LRRC37A2: variants seen among roughly 807,000 people sequenced by gnomAD.
The protein encoded by LRRC37A2 is leucine-rich repeat-containing protein 37A2.
Under a neutral mutation model 68.8 loss-of-function variants are expected in LRRC37A2, and 9 were observed. The observed-to-expected ratio is 0.13, with a 90% CI of 0.08 to 0.23. The LOEUF (loss-of-function observed/expected upper bound fraction) is 0.23, where lower values mean the gene tolerates loss of function less well. Among genes scored for constraint, LRRC37A2 ranks in the 10% least tolerant of loss-of-function variants. LRRC37A2 has a pLI of 1.00. For missense variants in LRRC37A2, 168 were observed against 950.4 expected (o/e 0.18, Z 10.82); for synonymous variants, 63 against 367.6 (o/e 0.17, Z 9.48).
At chr17:46,552,762 GTACAATATGTATACATTT>G (rs1282224844) in intron 11 of LRRC37A2, 1 of 95,914 alleles carries the variant, frequency 1.0e-5, no homozygotes. Context: ...TGTCAACAAT[GTACAATATGTATACATTT>G]TATTAGTGAT....
At chr17:46,875,515 A>G in the LRRC37A2 span, 1 of 1,160,450 alleles carries the variant, frequency 8.6e-7, no homozygotes, top group Non-Finnish European at 1.2e-6. Flanking sequence ...GTCTTCAACC[A>G]GCATTCCCTT....
the LRRC37A2 span, chr17:46,755,370 G>A: frequency 9.3e-6 from 15 of 1,611,626 alleles, no homozygotes; most frequent in East Asian, 2.2e-5. Context: ...AAGAAGGAGC[G>A]TAAGTACATA....
At chr17:46,807,400 T>G in the LRRC37A2 span, among the ~76,000 whole-genome samples, 1 of 152,158 alleles carries the variant, frequency 6.6e-6, no homozygotes, top group Admixed American at 6.6e-5. Context: ...GAGAATTGCT[T>G]GAACCCGGGA....
chr17:46,918,976 A>G, the LRRC37A2 span, among the ~76,000 whole-genome samples: 1 of 152,180 alleles, frequency 6.6e-6, no homozygotes, highest in South Asian at 2.1e-4. Flanking sequence ...TGAGTCACCA[A>G]ACTGGGCTAA....
chr17:47,023,743 C>A, the LRRC37A2 span, among the ~76,000 whole-genome samples: 1 of 152,000 alleles, frequency 6.6e-6, no homozygotes. Context: ...TACAGGTGCC[C>A]TCCATCACAC....
the LRRC37A2 span, among the ~76,000 whole-genome samples, chr17:47,033,569 G>A: frequency 2.6e-5 from 4 of 152,070 alleles, no homozygotes; most frequent in East Asian, 3.9e-4. Context: ...TTATTTTCAC[G>A]GCCTGCTTTG....
chr17:47,017,745 T>C, the LRRC37A2 span: 3 of 1,610,754 alleles, frequency 1.9e-6, no homozygotes, highest in Non-Finnish European at 2.5e-6. Flanking sequence ...GAATGAATAT[T>C]CCAGTACAGA....
the LRRC37A2 span, among the ~76,000 whole-genome samples, chr17:46,907,380 T>C: frequency 6.6e-6 from 1 of 151,578 alleles, no homozygotes; most frequent in African/African-American, 2.4e-5. Flanking sequence ...CAGTGAGTAC[T>C]CGGGGCACCT....
At chr17:46,824,111 A>C in the LRRC37A2 span, among the ~76,000 whole-genome samples, 2 of 152,064 alleles carry the variant, frequency 1.3e-5, no homozygotes, top group Admixed American at 1.3e-4. Context: ...GTCCCCTTCC[A>C]AGACCCACTT....
At chr17:46,755,164 T>G in the LRRC37A2 span, 1 of 640,796 alleles carries the variant, frequency 1.6e-6, no homozygotes, top group Non-Finnish European at 2.8e-6. Context: ...TTGTTTTGTG[T>G]GAGAATGCTG....
the LRRC37A2 span, among the ~76,000 whole-genome samples, chr17:46,970,277 A>G: frequency 1.2e-4 from 18 of 152,176 alleles, no homozygotes; most frequent in Non-Finnish European, 2.1e-4. Flanking sequence ...GCGGTGGCTC[A>G]CGCCTGTAAT....
the LRRC37A2 span, among the ~76,000 whole-genome samples, chr17:46,982,491 T>C: frequency 9.7e-4 from 148 of 152,334 alleles, 2 homozygotes; most frequent in Middle Eastern, 6.8e-3. Flanking sequence ...ATTACCTCCC[T>C]GAATTCTCTC....
At chr17:46,980,359 T>TTCC in the LRRC37A2 span, among the ~76,000 whole-genome samples, 5 of 150,420 alleles carry the variant, frequency 3.3e-5, no homozygotes, top group Admixed American at 6.6e-5. Flanking sequence ...TTCCTTCTTC[T>TTCC]TTCTTTCTCT....
At chr17:46,943,100 G>A in the LRRC37A2 span, among the ~76,000 whole-genome samples, 1 of 152,186 alleles carries the variant, frequency 6.6e-6, no homozygotes. Flanking sequence ...AATGCCCAGG[G>A]GTAGGGAGCC....
the LRRC37A2 span, among the ~76,000 whole-genome samples, chr17:46,815,721 G>T: frequency 2.6e-5 from 4 of 152,142 alleles, no homozygotes; most frequent in Non-Finnish European, 5.9e-5. Context: ...GGACAGACAG[G>T]ACAAGCTGGT....
the LRRC37A2 span, chr17:46,851,760 C>T: frequency 5.8e-6 from 6 of 1,026,206 alleles, no homozygotes; most frequent in South Asian, 2.2e-4. This position sits in a 1 kb window ranked among gnomAD's most constrained non-coding sequence, Gnocchi z 4.3. Context: ...GCCTGCCTGT[C>T]TCTCCCTCCT....
At chr17:46,959,170 G>A in the LRRC37A2 span, among the ~76,000 whole-genome samples, 4 of 152,202 alleles carry the variant, frequency 2.6e-5, no homozygotes, top group Admixed American at 2.0e-4. Context: ...GAGGTTGGGC[G>A]TAGTGGCAGA....
chr17:46,625,898 A>T, the LRRC37A2 span, among the ~76,000 whole-genome samples: 1 of 134,864 alleles, frequency 7.4e-6, no homozygotes, highest in Admixed American at 7.5e-5. Flanking sequence ...AAAAAAAAAA[A>T]AAAAAAGATA....
the LRRC37A2 span, among the ~76,000 whole-genome samples, chr17:46,734,208 A>C: frequency 6.6e-6 from 1 of 152,194 alleles, no homozygotes; most frequent in Non-Finnish European, 1.5e-5. Context: ...AGAGACTCCA[A>C]ATCATGCAGG....
Sources: gnomAD v4.1 joint callset for allele counts (sites outside exome capture counted in the v4.1 genomes callset) on GRCh38, gnomAD v4.1.1 for gene constraint, Gnocchi (gnomAD v3.1) non-coding constraint, MANE v1.5 for transcripts, NCBI Gene and HGNC (gene_info 2026-07-23, HGNC 2026-07-21) for gene names.